CD300LF: variants seen among roughly 807,000 people sequenced by gnomAD.
The protein encoded by CD300LF is CD300 molecule like family member f.
Under a neutral mutation model 32.2 loss-of-function variants are expected in CD300LF, and 27 were observed. The ratio of observed to expected loss-of-function variants is 0.84; its 90% CI spans 0.62 to 1.15. The LOEUF (loss-of-function observed/expected upper bound fraction) is 1.15, where lower values mean the gene tolerates loss of function less well. CD300LF is among the 50% of genes most tolerant of loss of function. The probability of loss-of-function intolerance (pLI) is 0.00; values close to 1 mark genes in which losing one functional copy is unlikely to be tolerated. For synonymous variants in CD300LF, 139 were observed against 143.2 expected (o/e 0.97, Z 0.21); for missense variants, 348 against 356.8 (o/e 0.98, Z 0.20).
chr17:74,698,249 C>A (rs1180230426), intron 4 of CD300LF, 120 bp downstream of exon 4: 3 of 761,636 alleles, frequency 3.9e-6, no homozygotes, highest in Non-Finnish European at 4.4e-6. Context: ...CTGCTGAGGG[C>A]CTTTGGGACT....
chr17:74,702,756 A>C (rs1325114923), intron 3 of CD300LF, among the ~76,000 whole-genome samples: 1 of 152,194 alleles, frequency 6.6e-6, no homozygotes, highest in Non-Finnish European at 1.5e-5. Flanking sequence ...AGAGCTCAGC[A>C]CGGTGCAGCC....
intron 1 of CD300LF, among the ~76,000 whole-genome samples, chr17:74,711,655 A>G (rs1010700345): frequency 1.3e-5 from 2 of 152,068 alleles, no homozygotes; most frequent in African/African-American, 2.4e-5. Context: ...GAGCCCTCGT[A>G]TCTACTGTTC....
chr17:74,705,961 G>A (rs139136706), intron 1 of CD300LF, among the ~76,000 whole-genome samples: 1 of 152,288 alleles, frequency 6.6e-6, no homozygotes, highest in East Asian at 1.9e-4. Flanking sequence ...GATGTGGCTG[G>A]AGGCCATTAT....
chr17:74,705,169 G>C (rs1245954282), intron 1 of CD300LF: 1 of 693,566 alleles, frequency 1.4e-6, no homozygotes, highest in Non-Finnish European at 2.7e-6. Context: ...TGGTGGGGAG[G>C]AAATACCAGG....
chr17:74,712,353 C>T (rs748152435), intron 1 of CD300LF, among the ~76,000 whole-genome samples: 11 of 152,224 alleles, frequency 7.2e-5, no homozygotes, highest in Admixed American at 6.5e-4. Flanking sequence ...CTACTATTTC[C>T]TTCTGCCCCA....
chr17:74,709,581 A>T (rs978113506), intron 1 of CD300LF, among the ~76,000 whole-genome samples: 6 of 151,604 alleles, frequency 4.0e-5, no homozygotes, highest in Non-Finnish European at 7.4e-5. Context: ...TTTTTTTGAG[A>T]TGGAGTCTTG....
In CD300LF at chr17:74,712,715, A is replaced by G; in HGVS notation, c.43+109T>C. The G allele has an allele frequency of 3.6e-6, 4 of 1,122,410 alleles. No homozygotes were observed. In the Admixed American group the frequency reaches 7.4e-5, roughly 21 times the overall value. The allele number at this position is 1,122,410 out of a possible 1,614,324, so 69.5% of individuals were successfully genotyped here. A position where few individuals can be genotyped will look rare whatever the true frequency, so the allele number is the denominator to read the frequency against. ...GGTGGGTATGTGGATGAAACGCACAAGGCTCATGCCATTAAGGACACCTTC... is the reference window on the plus strand; with the variant it reads ...GGTGGGTATGTGGATGAAACGCACAGGGCTCATGCCATTAAGGACACCTTC... On this transcript the variant is annotated intron_variant, in intron 1 of 6. Transcript: ENST00000326165.
In CD300LF at chr17:74,703,068, G is replaced by A. The variant is rs2033206742; in HGVS notation, c.413C>T (p.Ser138Phe). The change falls in exon 3 of 7, where the codon TCC becomes TTC. Residue 138 changes from serine to phenylalanine, a missense_variant. Physicochemically the swap from Ser to Phe is radical, Grantham distance 155. Transcript: ENST00000326165. ...APVTQEETSS[S>F]PTLTGHHLDN... The stretch of plus-strand genomic sequence containing the variant: ...CAAGTGGTGGCCGGTCAGAGTTGGG[G>A]AGCTGCTAGTTTCTTCTTGGGTGAC... 6.2e-6 allele frequency: 10 copies of A among 1,614,066 alleles called. No homozygotes were observed. The highest frequency in any genetic ancestry group is 8.5e-6 in the Non-Finnish European group (10 of 1,179,930).
chr17:74,711,463 C>T (rs1685743237), intron 1 of CD300LF, among the ~76,000 whole-genome samples: 1 of 152,218 alleles, frequency 6.6e-6, no homozygotes, highest in South Asian at 2.1e-4. Flanking sequence ...AAACTCGGGG[C>T]CAAGTGTCCA....
chr17:74,710,475 A>C (rs756762306), intron 1 of CD300LF, among the ~76,000 whole-genome samples: 6 of 152,230 alleles, frequency 3.9e-5, no homozygotes, highest in Non-Finnish European at 1.5e-5. Flanking sequence ...TTGGAAAGTA[A>C]AGTAGAAAAG....
chr17:74,706,381 T>C (rs969658539), intron 1 of CD300LF, among the ~76,000 whole-genome samples: 2 of 147,236 alleles, frequency 1.4e-5, no homozygotes, highest in Admixed American at 1.4e-4. Context: ...TTTCCCTGTA[T>C]CCGGAATCTT....
At chr17:74,695,299 G>A (rs201328161) in intron 6 of CD300LF, 48 bp from the exon 7 acceptor site, 176 of 1,606,926 alleles carry the variant, frequency 1.1e-4, no homozygotes, top group Non-Finnish European at 2.3e-5. Flanking sequence ...AGGAAGTGAC[G>A]GTCACGGGGC....
At chr17:74,700,592 A>C (rs112649977) in intron 3 of CD300LF, among the ~76,000 whole-genome samples, 116 of 152,092 alleles carry the variant, frequency 7.6e-4, no homozygotes, top group Admixed American at 2.0e-3. Context: ...AATACAAAAT[A>C]ACAGCCGGGT....
chr17:74,710,128 A>G (rs1033206941), intron 1 of CD300LF, among the ~76,000 whole-genome samples: 16 of 152,060 alleles, frequency 1.1e-4, no homozygotes, highest in African/African-American at 3.6e-4. Flanking sequence ...ACAGGCGCCC[A>G]CCACCACGCC....
Position 74,695,186 on chromosome 17 carries a change from C to G in CD300LF, c.783G>C (p.Pro261=), listed in dbSNP as rs887241336. 6.2e-7 allele frequency: 1 copy of G among 1,614,072 alleles called. No homozygotes were observed. Among genetic ancestry groups the G allele is most frequent in the Non-Finnish European group, 8.5e-7 (1 of 1,179,984 alleles). The change falls in exon 7 of 7, where the codon CCG becomes CCC. Residue 261 remains proline (P), a synonymous_variant. Coordinates refer to ENST00000326165, the MANE Select transcript of CD300LF (RefSeq NM_139018.5). ...TGAGGTGGCCCATGTTGCAGTAGGT[C>G]GGTTCCTGATCCTCAGCACCCAAGG... ...SLTLGAEDQE[P]TYCNMGHLSS...
chr17:74,704,301 T>C (rs1446622638), intron 2 of CD300LF, 177 bp downstream of exon 2: 2 of 600,672 alleles, frequency 3.3e-6, no homozygotes, highest in East Asian at 2.8e-5. Flanking sequence ...CTGGGAGCCA[T>C]GGGGGCATTG....
rs1230423982 is a variant in CD300LF, at chr17:74,698,264, C to T, written c.559+105G>A. 4 of 844,034 alleles carry T rather than the reference C, an allele frequency of 4.7e-6. No homozygotes were observed. The African/African-American group carries it at 5.0e-5, about 11-fold the overall frequency. The allele number at this position is 844,034 out of a possible 1,614,324, so 52.3% of individuals were successfully genotyped here. On this transcript the variant is annotated intron_variant, in intron 4 of 6. Coordinates refer to ENST00000326165, the MANE Select transcript of CD300LF (RefSeq NM_139018.5). ...CTGCTGAGGGCCTTTGGGACTGTGC[C>T]ATTTCCTGATTGTGTGGGTAATCCC...
chr17:74,700,978 C>A (rs528409947), intron 3 of CD300LF, among the ~76,000 whole-genome samples: 2 of 152,114 alleles, frequency 1.3e-5, no homozygotes, highest in South Asian at 2.1e-4. Context: ...CACAGACACA[C>A]GCAGAGGGAC....
chr17:74,705,360 G>A (rs2033423271), intron 1 of CD300LF: 1 of 656,682 alleles, frequency 1.5e-6, no homozygotes. Context: ...AACAGCAACG[G>A]CAACTGGTCT....
Sources: allele counts gnomAD v4.1 joint callset (sites outside exome capture counted in the v4.1 genomes callset), GRCh38; gene constraint gnomAD v4.1.1; transcripts MANE v1.5; gene names NCBI Gene and HGNC (gene_info 2026-07-23, HGNC 2026-07-21).